GEMIN2: variants seen among roughly 807,000 people sequenced by gnomAD.
The protein encoded by GEMIN2 is gem-associated protein 2.
A neutral mutation model predicts 45.8 loss-of-function variants in GEMIN2; 37 were observed. The observed-to-expected ratio is 0.81, with a 90% CI of 0.62 to 1.06. The LOEUF is 1.06. Among genes scored for constraint, GEMIN2 ranks in the 50% least tolerant of loss-of-function variants. The pLI is 0.00. For synonymous variants in GEMIN2, 101 were observed against 111.5 expected, an observed-to-expected ratio of 0.91 and a Z score of 0.60; for missense variants, 335 against 321.8, an observed-to-expected ratio of 1.04 and a Z score of -0.31.
intron 2 of GEMIN2, among the ~76,000 whole-genome samples, chr14:39,116,567 G>A (rs1238328362): frequency 6.6e-6 from 1 of 151,626 alleles, no homozygotes; most frequent in African/African-American, 2.4e-5. Flanking sequence ...CAGGCGCCTG[G>A]GAGAGTGGCA....
intron 7 of GEMIN2, among the ~76,000 whole-genome samples, chr14:39,130,006 TCTCGG>T (rs2052697193): frequency 7.3e-6 from 1 of 137,646 alleles, no homozygotes; most frequent in Non-Finnish European, 1.5e-5. Flanking sequence ...AGTGGTGCCA[TCTCGG>T]CTCACTGCAA....
intron 7 of GEMIN2, 31 bp from the exon 8 acceptor site, chr14:39,131,927 C>CT: frequency 9.7e-7 from 1 of 1,030,284 alleles, no homozygotes; most frequent in Non-Finnish European, 1.5e-6. Flanking sequence ...CAGTATTTGT[C>CT]TAAATATTAA....
At chr14:39,130,920 A>G (rs1459293911) in intron 7 of GEMIN2, among the ~76,000 whole-genome samples, 1 of 151,814 alleles carries the variant, frequency 6.6e-6, no homozygotes, top group Non-Finnish European at 1.5e-5. Flanking sequence ...AAGGACAAAA[A>G]CAACATGGTA....
chr14:39,131,793 C>T (rs974420881), intron 7 of GEMIN2, 165 bp from the exon 8 acceptor site: 12 of 540,806 alleles, frequency 2.2e-5, no homozygotes, highest in Non-Finnish European at 3.9e-5. Flanking sequence ...AGAGATAACA[C>T]CTGGCTCTCC....
At chr14:39,129,941 T>C (rs1312935896) in intron 7 of GEMIN2, among the ~76,000 whole-genome samples, 1 of 132,072 alleles carries the variant, frequency 7.6e-6, no homozygotes, top group African/African-American at 3.1e-5. Flanking sequence ...TTTGTTTTTT[T>C]TTTTTTTTTT....
intron 9 of GEMIN2, among the ~76,000 whole-genome samples, chr14:39,135,491 C>T (rs1006550681): frequency 6.6e-6 from 1 of 151,680 alleles, no homozygotes; most frequent in African/African-American, 2.4e-5. Flanking sequence ...GATGGTGAGG[C>T]AGGAGAATCA....
In GEMIN2 at chr14:39,133,697, T is replaced by C; in HGVS notation, c.748T>C (p.Leu250=). The change falls in exon 9 of 10, where the codon TTA becomes CTA. Residue 250 remains leucine (L), a synonymous_variant. Transcript: ENST00000308317. ...KDDERVPALN[L]LICLVSRYFD... ...TGATGAGAGGGTTCCTGCTTTGAAT[T>C]TATTAATCTGCTTGGTTAGCAGGTA... 2 of 1,547,976 alleles carry C rather than the reference T, an allele frequency of 1.3e-6. No individual in the cohort carries two copies. Among genetic ancestry groups the C allele is most frequent in the South Asian group, 2.4e-5 (2 of 83,522 alleles).
In GEMIN2 at chr14:39,114,453, C is replaced by A. The variant is rs1180214453; in HGVS notation, c.115C>A (p.Gln39Lys). Residue 39 changes from glutamine to lysine, a missense_variant, in exon 1 of 10, where the codon CAG becomes AAG. Transcript: ENST00000308317. ...TCCCTCGGTACCCCCGAGGACGCCT[C>A]AGGAATACCTGAGGCGGGTCCAGTG... ...FDPSVPPRTP[Q>K]EYLRRVQIEA... 2 of 1,613,590 alleles carry A rather than the reference C, an allele frequency of 1.2e-6. No individual in the cohort carries two copies. The highest frequency in any genetic ancestry group is 4.5e-5 in the East Asian group (2 of 44,884).
intron 4 of GEMIN2, 33 bp downstream of exon 4, chr14:39,118,632 T>C: frequency 1.1e-6 from 1 of 921,956 alleles, no homozygotes; most frequent in East Asian, 2.4e-5. Flanking sequence ...AGATGTACAA[T>C]GTATACCTGA....
At chr14:39,125,400 G>T (rs569076985) in intron 6 of GEMIN2, among the ~76,000 whole-genome samples, 120 of 152,104 alleles carry the variant, frequency 7.9e-4, no homozygotes, top group Non-Finnish European at 1.4e-3. Context: ...TCTGGGGTTT[G>T]AATTAAATAC....
At position 39,114,343 on chromosome 14, in the gene GEMIN2, C is replaced by T. The variant is rs1184317713; in HGVS notation, c.5C>T (p.Ala2Val). 3 of 1,613,752 alleles carry T rather than the reference C, an allele frequency of 1.9e-6. No homozygotes were observed. The highest frequency in any genetic ancestry group is 1.3e-5 in the African/African-American group (1 of 74,936). ...GAACTGGCTGGTTTGAAAACCATGG[C>T]GTGGGTACCAGCGGAGTCCGCAGTG... is the stretch of plus-strand genomic sequence containing the variant. MAWVPAESAVEE... is the reference protein window; with the variant it reads MVWVPAESAVEE... The change falls in exon 1 of 10, where the codon GCG becomes GTG. Residue 2 changes from alanine (A) to valine (V), a missense_variant. Transcript: ENST00000308317.
intron 6 of GEMIN2, among the ~76,000 whole-genome samples, chr14:39,127,592 G>A (rs188004561): frequency 6.6e-6 from 1 of 151,760 alleles, no homozygotes; most frequent in Non-Finnish European, 1.5e-5. Flanking sequence ...CACCTGCCTC[G>A]GCCTCCCAAA....
chr14:39,128,092 A>AAAAAAAAAAAAAAAAAAC (rs1362795216), intron 6 of GEMIN2, among the ~76,000 whole-genome samples, 188 bp from the exon 7 acceptor site: 1 of 150,980 alleles, frequency 6.6e-6, no homozygotes, highest in African/African-American at 2.4e-5. Context: ...AAAAAAAAAA[A>AAAAAAAAAAAAAAAAAAC]AGCCTCATTG....
chr14:39,124,893 T>C, intron 5 of GEMIN2, 99 bp from the exon 6 acceptor site: 1 of 671,802 alleles, frequency 1.5e-6, no homozygotes, highest in African/African-American at 1.8e-5. Flanking sequence ...TTGTTCTTTG[T>C]TTCTAAACAA....
intron 5 of GEMIN2, among the ~76,000 whole-genome samples, chr14:39,123,540 C>T (rs1018782746): frequency 6.6e-6 from 1 of 151,384 alleles, no homozygotes; most frequent in Non-Finnish European, 1.5e-5. Flanking sequence ...ACCATATTGA[C>T]AAGAGCTGGG....
At chr14:39,118,780 ATTTT>A (rs373341724) in intron 4 of GEMIN2, among the ~76,000 whole-genome samples, 181 bp downstream of exon 4, 1 of 138,714 alleles carries the variant, frequency 7.2e-6, no homozygotes, top group Non-Finnish European at 1.6e-5. Flanking sequence ...TTCATGACAA[ATTTT>A]TTTTTTTTTT....
intron 6 of GEMIN2, among the ~76,000 whole-genome samples, chr14:39,125,706 G>T (rs929269883): frequency 6.6e-6 from 1 of 152,108 alleles, no homozygotes; most frequent in African/African-American, 2.4e-5. Flanking sequence ...TCTAGTTCTA[G>T]ATGTCCTATA....
At chr14:39,118,422 C>T (rs900388024) in intron 3 of GEMIN2, 118 bp from the exon 4 acceptor site, 3 of 650,322 alleles carry the variant, frequency 4.6e-6, no homozygotes, top group South Asian at 1.8e-5. Flanking sequence ...TTACATCTCA[C>T]CCCCTCCCAC....
chr14:39,128,207 T>C, intron 6 of GEMIN2, 73 bp from the exon 7 acceptor site: 1 of 842,716 alleles, frequency 1.2e-6, no homozygotes, highest in South Asian at 1.5e-5. Flanking sequence ...CTAAATAAAC[T>C]TAATGAAACT....
Sources: gnomAD v4.1 joint callset for allele counts (sites outside exome capture counted in the v4.1 genomes callset) on GRCh38, gnomAD v4.1.1 for gene constraint, MANE v1.5 for transcripts, NCBI Gene and HGNC (gene_info 2026-07-23, HGNC 2026-07-21) for gene names.